ANKS1B: variants seen among roughly 807,000 people sequenced by gnomAD.
ANKS1B encodes ankyrin repeat and sterile alpha motif domain-containing protein 1B.
A neutral mutation model predicts 148.3 loss-of-function variants in ANKS1B; 36 were observed. That is an observed-to-expected ratio of 0.24 (90% CI 0.19 to 0.32). The LOEUF (loss-of-function observed/expected upper bound fraction) is 0.32. ANKS1B is among the 10% of genes least tolerant of loss of function. The pLI is 1.00. For missense variants in ANKS1B, 1,157 were observed against 1,542.6 expected, an observed-to-expected ratio of 0.75 and a Z score of 4.19; for synonymous variants, 542 against 560.8, an observed-to-expected ratio of 0.97 and a Z score of 0.47.
intron 4 of ANKS1B, among the ~76,000 whole-genome samples, chr12:99,791,440 T>G (rs554201925): frequency 6.6e-6 from 1 of 151,848 alleles, no homozygotes; most frequent in East Asian, 1.9e-4. Flanking sequence ...TTTTATCTGA[T>G]GGCTGCAAAA....
chr12:99,696,279 G>T (rs1404039606), intron 8 of ANKS1B, among the ~76,000 whole-genome samples: 1 of 152,048 alleles, frequency 6.6e-6, no homozygotes, highest in East Asian at 1.9e-4. Context: ...TGGAGTCTAC[G>T]ATATATTGTT....
intron 14 of ANKS1B, among the ~76,000 whole-genome samples, chr12:99,169,578 A>C (rs1303807964): frequency 1.3e-5 from 2 of 152,170 alleles, no homozygotes; most frequent in Non-Finnish European, 2.9e-5. Flanking sequence ...TAGAAAATAG[A>C]AGGTAGCTAA....
chr12:98,914,268 T>C (rs73382423), intron 17 of ANKS1B, among the ~76,000 whole-genome samples: 66 of 152,144 alleles, frequency 4.3e-4, no homozygotes, highest in Non-Finnish European at 7.6e-4. Flanking sequence ...TCAGCCATGA[T>C]TGTAAGCTTC....
At chr12:99,043,802 T>C (rs2099960577) in intron 17 of ANKS1B, among the ~76,000 whole-genome samples, 1 of 152,254 alleles carries the variant, frequency 6.6e-6, no homozygotes, top group African/African-American at 2.4e-5. Context: ...TGATGGCTTA[T>C]ACGAATCTTA....
At chr12:99,525,829 A>T (rs992122158) in intron 9 of ANKS1B, among the ~76,000 whole-genome samples, 4 of 152,150 alleles carry the variant, frequency 2.6e-5, no homozygotes, top group Admixed American at 2.0e-4. Context: ...AGATTGATAA[A>T]TTTGAATATA....
chr12:99,941,632 T>A (rs2094921618), intron 1 of ANKS1B, among the ~76,000 whole-genome samples: 2 of 152,124 alleles, frequency 1.3e-5, no homozygotes, highest in Admixed American at 6.6e-5. Flanking sequence ...ACCTCAGAGT[T>A]GAGAGTCAAT....
intron 17 of ANKS1B, among the ~76,000 whole-genome samples, chr12:98,975,789 A>G (rs1476363272): frequency 6.6e-6 from 1 of 150,840 alleles, no homozygotes; most frequent in South Asian, 2.1e-4. Context: ...ACCTGCAGTG[A>G]GAGAGAGAGA....
At chr12:99,925,845 T>G (rs1229339597) in intron 1 of ANKS1B, among the ~76,000 whole-genome samples, 1 of 152,266 alleles carries the variant, frequency 6.6e-6, no homozygotes, top group Non-Finnish European at 1.5e-5. Flanking sequence ...GGGCTGGCCT[T>G]AAGTCAAGCT....
intron 14 of ANKS1B, among the ~76,000 whole-genome samples, chr12:99,170,931 A>G (rs937666646): frequency 2.0e-5 from 3 of 152,322 alleles, no homozygotes; most frequent in African/African-American, 7.2e-5. Context: ...TTATTTTAAC[A>G]TATTTTAAAT....
chr12:99,806,501 T>C lies in ANKS1B; in HGVS notation c.572A>G (p.Asn191Ser). 6.2e-7 allele frequency: 1 copy of C among 1,613,966 alleles called. No homozygotes were observed. Among genetic ancestry groups the C allele is most frequent in the Non-Finnish European group, 8.5e-7 (1 of 1,179,864 alleles). Residue 191 changes from asparagine (N) to serine (S), a missense_variant, in exon 4 of 27, where the codon AAC becomes AGC. Physicochemically the swap from Asn to Ser is conservative, Grantham distance 46. Around this residue, in one of 6 missense-constraint regions of ANKS1B, gnomAD observed 164 missense variants for 232.6 expected, o/e 0.71. Coordinates refer to ENST00000683438, the MANE Select transcript of ANKS1B (RefSeq NM_001352186.2). ...ISAHPNLMSCNTRKHTPLHLA... is the reference protein window; with the variant it reads ...ISAHPNLMSCSTRKHTPLHLA... ...GTGAAGTGGCGTGTGCTTGCGAGTG[T>C]TGCAGCTCATTAAGTTAGGATGTGC... is the stretch of plus-strand genomic sequence containing the variant.
intron 17 of ANKS1B, among the ~76,000 whole-genome samples, chr12:99,040,275 CGTGT>C (rs146791344): frequency 6.9e-4 from 102 of 147,518 alleles, no homozygotes; most frequent in Middle Eastern, 3.5e-3. Flanking sequence ...TGTGCGTGTG[CGTGT>C]GTGTGTGTGT....
chr12:99,758,507 G>A (rs561204745), intron 8 of ANKS1B, among the ~76,000 whole-genome samples: 91 of 151,332 alleles, frequency 6.0e-4, no homozygotes, highest in African/African-American at 2.0e-3. Context: ...AATCCTGCAA[G>A]GTACTATTAT....
chr12:99,326,701 T>C (rs1269920134), intron 12 of ANKS1B, among the ~76,000 whole-genome samples: 1 of 151,842 alleles, frequency 6.6e-6, no homozygotes, highest in African/African-American at 2.4e-5. Flanking sequence ...TTTCTTACTT[T>C]TATATTTTAA....
intron 17 of ANKS1B, among the ~76,000 whole-genome samples, chr12:98,885,608 TTA>T: frequency 6.6e-6 from 1 of 152,338 alleles, no homozygotes; most frequent in South Asian, 2.1e-4. Flanking sequence ...CTACTAGCTC[TTA>T]TGGAACCCTT....
intron 8 of ANKS1B, among the ~76,000 whole-genome samples, chr12:99,656,609 C>T (rs1188119871): frequency 6.6e-6 from 1 of 151,896 alleles, no homozygotes; most frequent in Non-Finnish European, 1.5e-5. Context: ...AGGGGTCAAA[C>T]CAAGACCTCT....
At position 99,773,083 on chromosome 12, in the gene ANKS1B, T is replaced by G; in HGVS notation, c.967A>C (p.Thr323Pro). 1 of 1,602,110 alleles carries G rather than the reference T, an allele frequency of 6.2e-7. No homozygotes were observed. Among genetic ancestry groups the G allele is most frequent in the Non-Finnish European group, 8.5e-7 (1 of 1,174,992 alleles). ...ESPSQKTKSE[T>P]VTGELSKLLD... ...AGTTTTGATAATTCTCCAGTGACGGTTTCACCTATGAGAATAATTTTTTCA... is the reference window on the plus strand; with the variant it reads ...AGTTTTGATAATTCTCCAGTGACGGGTTCACCTATGAGAATAATTTTTTCA... The change falls in exon 8 of 27, where the codon ACC (threonine) becomes CCC (proline). Residue 323 changes from threonine (T) to proline (P), a missense_variant. By Grantham distance (38) the Thr-to-Pro change is conservative (BLOSUM62 -1). This residue lies in a region of ANKS1B where 661 missense variants were observed against 642.1 expected (regional missense o/e 1.03). Transcript: ENST00000683438.
At chr12:99,728,659 A>G (rs937938859) in intron 8 of ANKS1B, among the ~76,000 whole-genome samples, 1 of 152,180 alleles carries the variant, frequency 6.6e-6, no homozygotes, top group South Asian at 2.1e-4. Context: ...TTATAAAGAC[A>G]CATGCACACA....
chr12:98,885,562 G>A (rs2152560908), intron 17 of ANKS1B, among the ~76,000 whole-genome samples: 1 of 152,284 alleles, frequency 6.6e-6, no homozygotes, highest in South Asian at 2.1e-4. Flanking sequence ...ACTATTTTGG[G>A]GAAACCCATC....
In ANKS1B at chr12:99,280,055, ATATAT is replaced by A. The variant is rs547121793; in HGVS notation, c.1757-33196_1757-33192del. Among the ~76,000 whole-genome samples, 18 of 152,244 alleles carry A rather than the reference ATATAT, an allele frequency of 1.2e-4. No individual in the cohort carries two copies. In the East Asian group the frequency reaches 2.9e-3, roughly 24 times the overall value. On this transcript the variant is annotated intron_variant, in intron 12 of 26. Coordinates refer to ENST00000683438, the MANE Select transcript of ANKS1B (RefSeq NM_001352186.2). Reference sequence around the variant, plus strand: ...TAATTAAAGGAACCAGCAGCTCAAAATATATTATAAACAATTCTCATAATTGATAT... The same window carrying A: ...TAATTAAAGGAACCAGCAGCTCAAAATATAAACAATTCTCATAATTGATAT...
Sources: gnomAD v4.1 joint callset for allele counts (sites outside exome capture counted in the v4.1 genomes callset) on GRCh38, gnomAD v4.1.1 for gene constraint, gnomAD v4.1.1 regional missense constraint, MANE v1.5 for transcripts, NCBI Gene and HGNC (gene_info 2026-07-23, HGNC 2026-07-21) for gene names.